The following SMTNL1 variants were observed in gnomAD, a reference collection of about 807,000 sequenced individuals.
The protein encoded by SMTNL1 is smoothelin-like protein 1.
In SMTNL1, 41 loss-of-function variants were observed where a neutral mutation model predicts 46.6. The ratio of observed to expected loss-of-function variants is 0.88; its 90% CI spans 0.69 to 1.14. The LOEUF (loss-of-function observed/expected upper bound fraction) is 1.14. Among genes scored for constraint, SMTNL1 ranks in the 50% most tolerant of loss-of-function variants. SMTNL1 has a pLI of 0.00. For synonymous variants in SMTNL1, 234 were observed against 234.2 expected, an observed-to-expected ratio of 1.00 and a Z score of 0.01; for missense variants, 591 against 626.1, an observed-to-expected ratio of 0.94 and a Z score of 0.60.
intron 7 of SMTNL1, among the ~76,000 whole-genome samples, chr11:57,547,667 G>T (rs962080319): frequency 6.6e-6 from 1 of 152,338 alleles, no homozygotes; most frequent in East Asian, 1.9e-4. Context: ...CCCCAGTGGC[G>T]AAGCCCTTCC....
chr11:57,548,291 T>C (rs1365394363), intron 7 of SMTNL1, among the ~76,000 whole-genome samples: 1 of 152,134 alleles, frequency 6.6e-6, no homozygotes, highest in Non-Finnish European at 1.5e-5. Flanking sequence ...TCGGGGCCCT[T>C]GCACCTGCTG....
In SMTNL1 at chr11:57,546,600, C is replaced by G. The variant is rs1374770261; in HGVS notation, c.1288C>G (p.Leu430Val). The G allele has an allele frequency of 1.5e-5, 25 of 1,614,056 alleles. No individual in the cohort carries two copies. Among genetic ancestry groups the G allele is most frequent in the Non-Finnish European group, 2.1e-5 (25 of 1,179,914 alleles). The change falls in exon 7 of 8, where the codon CTG (leucine) becomes GTG (valine). Residue 430 changes from leucine to valine, a missense_variant. Leu to Val is a conservative substitution (Grantham distance 32, BLOSUM62 1). Coordinates refer to ENST00000527972, the MANE Select transcript of SMTNL1 (RefSeq NM_001105565.3). ...FFPDAFDYAE[L>V]DPAKRRHNFT... is the part of the protein sequence containing the mutation. ...CCCTGACGCCTTTGACTACGCAGAG[C>G]TGGATCCCGCAAAGCGCCGGCACAA... is the stretch of plus-strand genomic sequence containing the variant.
intron 2 of SMTNL1, 83 bp downstream of exon 2, chr11:57,543,457 A>G (rs1406889665): frequency 1.9e-6 from 3 of 1,546,874 alleles, no homozygotes; most frequent in African/African-American, 2.7e-5. Context: ...GTCAGTTGGG[A>G]AAGTCCAGTT....
chr11:57,546,799 T>C, intron 7 of SMTNL1, 147 bp downstream of exon 7: 1 of 1,070,442 alleles, frequency 9.3e-7, no homozygotes, highest in Non-Finnish European at 1.3e-6. Flanking sequence ...CAGGCACTGT[T>C]TCAGGCCCTG....
intron 7 of SMTNL1, among the ~76,000 whole-genome samples, chr11:57,547,928 G>C (rs984287790): frequency 6.6e-6 from 1 of 152,242 alleles, no homozygotes; most frequent in Non-Finnish European, 1.5e-5. Context: ...GGCTGGCTTT[G>C]GTAGGCAGGG....
At chr11:57,547,686 G>A (rs763839674) in intron 7 of SMTNL1, among the ~76,000 whole-genome samples, 2 of 152,180 alleles carry the variant, frequency 1.3e-5, no homozygotes, top group African/African-American at 2.4e-5. Context: ...CCCCACCCAC[G>A]CCCCAGGCTC....
rs1442545243 is a variant in SMTNL1 at position 57,542,994 on chromosome 11, AC to A, written c.354del (p.Lys119AsnfsTer149). 2 of 1,601,666 alleles carry A rather than the reference AC, an allele frequency of 1.2e-6. No individual in the cohort carries two copies. Among genetic ancestry groups the A allele is most frequent in the Non-Finnish European group, 1.7e-6 (2 of 1,174,210 alleles). On this transcript the variant is annotated frameshift_variant, in exon 2 of 8. Coordinates refer to ENST00000527972, the MANE Select transcript of SMTNL1 (RefSeq NM_001105565.3). LOFTEE classifies it high-confidence loss of function. ...SQEMTGRKEE[T>X]KSEPKEAEEK... Reference sequence around the variant, plus strand: ...GGAGATGACTGGCAGGAAAGAAGAGACCAAATCTGAACCCAAAGAGGCTGAG... The same window carrying A: ...GGAGATGACTGGCAGGAAAGAAGAGACAAATCTGAACCCAAAGAGGCTGAG...
At chr11:57,539,844 C>T (rs1944859095) in intron 1 of SMTNL1, among the ~76,000 whole-genome samples, 2 of 152,338 alleles carry the variant, frequency 1.3e-5, no homozygotes, top group East Asian at 3.9e-4. Context: ...CTATTGTTGT[C>T]TGCAGAAATC....
At chr11:57,544,937 A>G (rs1167061101) in intron 4 of SMTNL1, among the ~76,000 whole-genome samples, 1 of 151,356 alleles carries the variant, frequency 6.6e-6, no homozygotes, top group Non-Finnish European at 1.5e-5. Context: ...CCCGGGTTCA[A>G]GCGATTCTCC....
At chr11:57,545,823 T>C (rs2135265499) in intron 4 of SMTNL1, 58 bp from the exon 5 acceptor site, 9 of 860,706 alleles carry the variant, frequency 1.0e-5, no homozygotes, top group South Asian at 2.9e-5. Flanking sequence ...GCCCCCTCCC[T>C]GTGTCCTGCA....
chr11:57,550,068 C>G lies in SMTNL1; in HGVS notation c.1441C>G (p.Arg481Gly), dbSNP rs747904672. 3.1e-6 allele frequency: 5 copies of G among 1,613,636 alleles called. No individual in the cohort carries two copies. Among genetic ancestry groups the G allele is most frequent in the Non-Finnish European group, 4.2e-6 (5 of 1,179,830 alleles). Residue 481 changes from arginine to glycine, a missense_variant, in exon 8 of 8, where the codon CGC (arginine) becomes GGC (glycine). Arg to Gly is a moderately radical substitution (Grantham distance 125, BLOSUM62 -2). Transcript: ENST00000527972. ...CTACACATACATCCAGGAACTGTAC[C>G]GCAGCCTTGTGCAGAAAGGACTGGT... Reference protein sequence around the residue: ...CVYTYIQELYRSLVQKGLVKT... With the variant: ...CVYTYIQELYGSLVQKGLVKT...
chr11:57,539,310 T>A (rs532017512), intron 1 of SMTNL1, among the ~76,000 whole-genome samples: 11 of 152,304 alleles, frequency 7.2e-5, no homozygotes, highest in Admixed American at 2.0e-4. Flanking sequence ...TGAGCTATGA[T>A]TGAGCCACTG....
chr11:57,543,635 TC>T lies in SMTNL1; in HGVS notation c.747del (p.Ser250AlafsTer18). 1 of 1,607,612 alleles carries T rather than the reference TC, an allele frequency of 6.2e-7. No individual in the cohort carries two copies. The highest frequency in any genetic ancestry group is 8.5e-7 in the Non-Finnish European group (1 of 1,177,544). ...EDAEEAEPGSPSEEQEQDVEK... is the reference protein window; with the variant it reads ...EDAEEAEPGSXSEEQEQDVEK... ...CATGCTCATTCCAGGAGCCAGGCAG[TC>T]CCAGCGAAGAGCAGGAGCAGGACGT... is the stretch of plus-strand genomic sequence containing the variant. On this transcript the variant is annotated frameshift_variant, in exon 3 of 8. Coordinates refer to ENST00000527972, the MANE Select transcript of SMTNL1 (RefSeq NM_001105565.3). LOFTEE classifies it high-confidence loss of function.
chr11:57,550,134 C>A lies in SMTNL1; in HGVS notation c.*22C>A. ...GTGAGGAGGTGACTGGCTCTGTGGG[C>A]AGAGATGGGCAGGGTGCCCAGCTCA... is the stretch of plus-strand genomic sequence containing the variant. On this transcript the variant is annotated 3_prime_UTR_variant, in exon 8 of 8. Transcript: ENST00000527972. 1 of 1,599,056 alleles carries A rather than the reference C, an allele frequency of 6.3e-7. No homozygotes were observed. Among genetic ancestry groups the A allele is most frequent in the Non-Finnish European group, 8.5e-7 (1 of 1,172,140 alleles).
At chr11:57,544,888 G>A (rs1210602923) in intron 4 of SMTNL1, among the ~76,000 whole-genome samples, 2 of 150,142 alleles carry the variant, frequency 1.3e-5, no homozygotes, top group Non-Finnish European at 3.0e-5. Flanking sequence ...CCAGGCTGGA[G>A]TGCAATAGTG....
At chr11:57,538,272 C>T (rs1348835879) in intron 1 of SMTNL1, among the ~76,000 whole-genome samples, 3 of 152,156 alleles carry the variant, frequency 2.0e-5, no homozygotes, top group Non-Finnish European at 4.4e-5. Context: ...GTGGCAGACG[C>T]ACCACAGAAC....
rs921683114 is a variant in SMTNL1 at position 57,546,486 on chromosome 11, C to T, written c.1189-15C>T. 3 of 1,613,846 alleles carry T rather than the reference C, an allele frequency of 1.9e-6. No individual in the cohort carries two copies. Among genetic ancestry groups the T allele is most frequent in the Non-Finnish European group, 1.7e-6 (2 of 1,179,882 alleles). On this transcript the variant is annotated splice_polypyrimidine_tract_variant and intron_variant, in intron 6 of 7. Coordinates refer to ENST00000527972, the MANE Select transcript of SMTNL1 (RefSeq NM_001105565.3). ...GAGCCTCACTGAGGCCTCCTCTGTG[C>T]CCTGCCTGCCATAGCATGTGGACAT...
rs1373692605 is a variant in SMTNL1, at chr11:57,542,904, G to A, written c.262G>A (p.Glu88Lys). The change falls in exon 2 of 8, where the codon GAG becomes AAG. Residue 88 changes from glutamate (E) to lysine (K), a missense_variant. Coordinates refer to ENST00000527972, the MANE Select transcript of SMTNL1 (RefSeq NM_001105565.3). ...ATCTCAGAGGGAGGCTGGTGGGAAA[G>A]AGGATGCTGAGGCTGAACTTAAAAA... The part of the protein sequence containing the change: ...VESQREAGGK[E>K]DAEAELKKED... The A allele has an allele frequency of 6.2e-7, 1 of 1,608,618 alleles. No individual in the cohort carries two copies.
intron 1 of SMTNL1, among the ~76,000 whole-genome samples, chr11:57,542,139 C>T (rs140572200): frequency 4.7e-5 from 7 of 148,596 alleles, no homozygotes; most frequent in Non-Finnish European, 7.4e-5. Context: ...CACACACACA[C>T]ACACAAAAAT....
Sources: allele counts gnomAD v4.1 joint callset (sites outside exome capture counted in the v4.1 genomes callset), GRCh38; gene constraint gnomAD v4.1.1; transcripts MANE v1.5; gene names NCBI Gene and HGNC (gene_info 2026-07-23, HGNC 2026-07-21).